Variants in PFKFB2 observed in about 807,000 individuals in gnomAD.
PFKFB2 encodes the protein 6-phosphofructo-2-kinase/fructose-2,6-biphosphatase 2, also known as 6-phosphofructo-2-kinase/fructose-2,6-bisphosphatase 2.
In PFKFB2, 53 loss-of-function variants were observed where a neutral mutation model predicts 68.0. The observed-to-expected ratio is 0.78, with a 90% CI of 0.63 to 0.98. The LOEUF is 0.98. Ranked by LOEUF, PFKFB2 falls within the 50% of genes least tolerant of loss-of-function variation. The pLI is 0.00. For missense variants in PFKFB2, 451 were observed against 642.0 expected (o/e 0.70, Z 3.22); for synonymous variants, 222 against 227.6 (o/e 0.98, Z 0.22).
In PFKFB2 at chr1:207,076,967, T is replaced by C; in HGVS notation, c.*4596T>C. 4.1e-6 allele frequency: 4 copies of C among 981,320 alleles called. No individual in the cohort carries two copies. The highest frequency in any genetic ancestry group is 3.6e-6 in the Non-Finnish European group (3 of 826,190). 60.8% of individuals were successfully genotyped at this position (981,320 alleles called of 1,614,324 possible). On this transcript the variant is annotated 3_prime_UTR_variant, in exon 15 of 15. Coordinates refer to ENST00000367080, the MANE Select transcript of PFKFB2 (RefSeq NM_006212.2). ...TTAAGCACTCCACGTGTTTTCTTTATAGGGGAGTTCTGTACACTATGATTT... is the reference window on the plus strand; with the variant it reads ...TTAAGCACTCCACGTGTTTTCTTTACAGGGGAGTTCTGTACACTATGATTT...
intron 1 of PFKFB2, among the ~76,000 whole-genome samples, chr1:207,036,315 A>C (rs1045918633): frequency 6.6e-6 from 1 of 152,210 alleles, no homozygotes; most frequent in South Asian, 2.1e-4. Flanking sequence ...GGTTGACTCC[A>C]CATGTCAGCA....
At chr1:207,036,462 A>C (rs892727361) in intron 1 of PFKFB2, among the ~76,000 whole-genome samples, 2 of 152,208 alleles carry the variant, frequency 1.3e-5, no homozygotes, top group African/African-American at 4.8e-5. Flanking sequence ...TTTATACTTC[A>C]GGCAATTACT....
rs190830483 is a variant in PFKFB2, at chr1:207,075,495, A to T, written c.*3124A>T. On this transcript the variant is annotated 3_prime_UTR_variant, in exon 15 of 15. Transcript: ENST00000367080. ...TTCTCTCCTGGTCTTACTTGAATGC[A>T]TGTTGGTAATCTGTATACATTACTA... The T allele has an allele frequency of 7.1e-6, 7 of 985,380 alleles. No individual in the cohort carries two copies. The Admixed American group carries it at 1.8e-4, about 26-fold the overall frequency. The allele number at this position is 985,380 out of a possible 1,614,324, so 61.0% of individuals were successfully genotyped here. A position where few individuals can be genotyped will look rare whatever the true frequency, so the allele number is the denominator to read the frequency against.
chr1:207,066,466 A>G (rs1683290878), intron 8 of PFKFB2, among the ~76,000 whole-genome samples: 1 of 152,236 alleles, frequency 6.6e-6, no homozygotes, highest in Non-Finnish European at 1.5e-5. Context: ...TCAGAGGCTG[A>G]AAACCACCTC....
intron 1 of PFKFB2, among the ~76,000 whole-genome samples, chr1:207,041,179 C>T (rs1032103440): frequency 2.0e-5 from 3 of 151,670 alleles, no homozygotes; most frequent in Non-Finnish European, 4.4e-5. Flanking sequence ...TGCCCTGCCT[C>T]GGCCTCCCAA....
At chr1:207,078,955 C>T, downstream of PFKFB2, 1 of 1,611,624 alleles carries the variant, frequency 6.2e-7, no homozygotes, top group Non-Finnish European at 8.5e-7. Flanking sequence ...GGCTCGTAGG[C>T]AGCAGAGACC....
chr1:207,046,835 T>TA (rs1558052904), intron 2 of PFKFB2: 1 of 152,014 alleles, frequency 6.6e-6, no homozygotes, highest in Non-Finnish European at 1.5e-5. Context: ...TATCAAAACA[T>TA]ATGACAGAAA....
Position 207,063,362 on chromosome 1 carries a change from A to G in PFKFB2, c.391A>G (p.Asn131Asp), listed in dbSNP as rs758599692. The G allele has an allele frequency of 3.7e-6, 6 of 1,613,496 alleles. No individual in the cohort carries two copies. The East Asian group carries it at 1.1e-4, about 30-fold the overall frequency. Residue 131 changes from asparagine to aspartate, a missense_variant, in exon 6 of 15, where the codon AAT becomes GAT. Coordinates refer to ENST00000367080, the MANE Select transcript of PFKFB2 (RefSeq NM_006212.2). The surrounding 1 kb of genome is among the most constrained non-coding windows in gnomAD (Gnocchi z 4.1). ...TTCTTCACAGGTGTTTGATGCCACC[A>G]ATACAACCCGGGAGAGGAGGGACAT... ...NGQIAVFDAT[N>D]TTRERRDMIL... is the part of the protein sequence containing the mutation.
At chr1:207,052,451 C>T, upstream of PFKFB2, 2 of 464,288 alleles carry the variant, frequency 4.3e-6, no homozygotes, top group South Asian at 2.4e-5. Context: ...CACCCGAGGT[C>T]AGAAGTTCGA....
At position 207,074,444 on chromosome 1, in the gene PFKFB2, G is replaced by A; in HGVS notation, c.*2073G>A. On this transcript the variant is annotated 3_prime_UTR_variant, in exon 15 of 15. Transcript: ENST00000367080. ...AAATAATTGTCTCTAGAGAGCAGCTGGGGATTTTAAGCACCCTGGAGAGAG... is the reference window on the plus strand; with the variant it reads ...AAATAATTGTCTCTAGAGAGCAGCTAGGGATTTTAAGCACCCTGGAGAGAG... 3.0e-6 allele frequency: 3 copies of A among 985,422 alleles called. No individual in the cohort carries two copies. The highest frequency in any genetic ancestry group is 3.6e-6 in the Non-Finnish European group (3 of 829,936). 61.0% of individuals were successfully genotyped at this position (985,422 alleles called of 1,614,324 possible).
Position 207,069,521 on chromosome 1 carries a change from G to C in PFKFB2, c.1085G>C (p.Gly362Ala), listed in dbSNP as rs1181890400. The stretch of plus-strand genomic sequence containing the variant: ...GAGAAGTATCTGTATCGATATCCTG[G>C]TGGGGAGGTAAGACGCCCCTGTCAT... The part of the protein sequence containing the change: ...DQEKYLYRYP[G>A]GESYQDLVQR... The change falls in exon 11 of 15, where the codon GGT (glycine) becomes GCT (alanine). Residue 362 changes from glycine (G) to alanine (A), a missense_variant. Physicochemically the swap from Gly to Ala is moderately conservative, Grantham distance 60. Transcript: ENST00000367080. 1 of 1,608,212 alleles carries C rather than the reference G, an allele frequency of 6.2e-7. No individual in the cohort carries two copies. Among genetic ancestry groups the C allele is most frequent in the Admixed American group, 1.7e-5 (1 of 59,990 alleles).
Position 207,073,061 on chromosome 1 carries a change from A to C in PFKFB2, c.*690A>C, listed in dbSNP as rs944289998. ...CCAGGTCCTGTAAGGGCCAGCCCAG[A>C]CTACAGGACATCCACAGAATATTCT... On this transcript the variant is annotated 3_prime_UTR_variant, in exon 15 of 15. Transcript: ENST00000367080. The C allele has an allele frequency of 1.0e-6, 1 of 985,324 alleles. No homozygotes were observed. The highest frequency in any genetic ancestry group is 1.7e-5 in the African/African-American group (1 of 57,218). The allele number at this position is 985,324 out of a possible 1,614,324, so 61.0% of individuals were successfully genotyped here.
Position 207,074,718 on chromosome 1 carries a change from C to T in PFKFB2, c.*2347C>T. The T allele has an allele frequency of 1.0e-6, 1 of 985,346 alleles. No homozygotes were observed. Among genetic ancestry groups the T allele is most frequent in the South Asian group, 4.7e-5 (1 of 21,288 alleles). 61.0% of individuals were successfully genotyped at this position (985,346 alleles called of 1,614,324 possible). On this transcript the variant is annotated 3_prime_UTR_variant, in exon 15 of 15. Transcript: ENST00000367080. The stretch of plus-strand genomic sequence containing the variant: ...GGGGCAGGGATAGGGGAAAGCTAAA[C>T]AGAAGTAGAAGAAAAGGTCCTTGTC...
At position 207,074,058 on chromosome 1, in the gene PFKFB2, G is replaced by A. The variant is rs569946876; in HGVS notation, c.*1687G>A. Reference sequence around the variant, plus strand: ...GGATTGTTGAATCATAAACATGCCTGTGTCCACCTTATGCTTAATACTGAC... The same window carrying A: ...GGATTGTTGAATCATAAACATGCCTATGTCCACCTTATGCTTAATACTGAC... On this transcript the variant is annotated 3_prime_UTR_variant, in exon 15 of 15. Coordinates refer to ENST00000367080, the MANE Select transcript of PFKFB2 (RefSeq NM_006212.2). The A allele has an allele frequency of 2.2e-6, 2 of 902,698 alleles. No homozygotes were observed. Among genetic ancestry groups the A allele is most frequent in the East Asian group, 1.2e-4 (1 of 8,410 alleles). 55.9% of individuals were successfully genotyped at this position (902,698 alleles called of 1,614,324 possible).
At chr1:207,036,860 T>G (rs779674863) in intron 1 of PFKFB2, among the ~76,000 whole-genome samples, 35 of 152,236 alleles carry the variant, frequency 2.3e-4, no homozygotes, top group Non-Finnish European at 2.6e-4. Context: ...AAATCTGCTG[T>G]CAGTTACCAC....
chr1:207,045,809 T>C (rs1037964247), intron 2 of PFKFB2: 31 of 152,082 alleles, frequency 2.0e-4, no homozygotes, highest in Non-Finnish European at 2.9e-4. Context: ...TGTTAGTTAA[T>C]TCCTCATTAT....
chr1:207,055,225 G>A (rs1057467505), intron 2 of PFKFB2, among the ~76,000 whole-genome samples: 2 of 152,164 alleles, frequency 1.3e-5, no homozygotes, highest in Non-Finnish European at 2.9e-5. Context: ...AATTGCAGAT[G>A]GGAGCCAGTG....
Position 207,070,866 on chromosome 1 carries a change from C to A in PFKFB2, c.1223-322C>A. The A allele has an allele frequency of 3.2e-6, 1 of 314,424 alleles. No individual in the cohort carries two copies. The highest frequency in any genetic ancestry group is 7.7e-5 in the East Asian group (1 of 13,066). The allele number at this position is 314,424 out of a possible 1,614,324, so 19.5% of individuals were successfully genotyped here. A position where few individuals can be genotyped will look rare whatever the true frequency, so the allele number is the denominator to read the frequency against. On this transcript the variant is annotated intron_variant, in intron 12 of 14. Coordinates refer to ENST00000367080, the MANE Select transcript of PFKFB2 (RefSeq NM_006212.2). The surrounding 1 kb of genome is among the most constrained non-coding windows in gnomAD (Gnocchi z 4.2). Reference sequence around the variant, plus strand: ...CATTGTGGATGCTGAGCTCAGCATCCTGAGCTGCTTGGAAGCTGTTGTGGT... The same window carrying A: ...CATTGTGGATGCTGAGCTCAGCATCATGAGCTGCTTGGAAGCTGTTGTGGT...
chr1:207,054,798 ATGT>A lies in PFKFB2; in HGVS notation c.85_85+2del, dbSNP rs1682872035. 3 of 1,610,746 alleles carry A rather than the reference ATGT, an allele frequency of 1.9e-6. No homozygotes were observed. Among genetic ancestry groups the A allele is most frequent in the South Asian group, 1.1e-5 (1 of 90,672 alleles). Reference sequence around the variant, plus strand: ...CAAATCTTCGAATGTCAGAGAAGAAATGTTGTGAGTTCTGGCAGAGAGGAGGGA... The same window carrying A: ...CAAATCTTCGAATGTCAGAGAAGAAATGTGAGTTCTGGCAGAGAGGAGGGA... On this transcript the variant is annotated inframe_deletion and splice_region_variant, in exon 2 of 15. Transcript: ENST00000367080.
Sources: gnomAD v4.1 joint callset for allele counts (sites outside exome capture counted in the v4.1 genomes callset) on GRCh38, gnomAD v4.1.1 for gene constraint, Gnocchi (gnomAD v3.1) non-coding constraint, MANE v1.5 for transcripts, NCBI Gene and HGNC (gene_info 2026-07-23, HGNC 2026-07-21) for gene names.